Variants in NTM observed in about 807,000 individuals in gnomAD.
The protein encoded by NTM is neurotrimin.
NTM carries 13 observed loss-of-function variants against 42.1 expected under a neutral mutation model. That is an observed-to-expected ratio of 0.31 (90% CI 0.20 to 0.49). The LOEUF (loss-of-function observed/expected upper bound fraction) is 0.49, where lower values mean the gene tolerates loss of function less well. Among genes scored for constraint, NTM ranks in the 20% least tolerant of loss-of-function variants. NTM has a pLI of 0.99. For missense variants in NTM, 373 were observed against 452.8 expected, an observed-to-expected ratio of 0.82 and a Z score of 1.60; for synonymous variants, 187 against 179.2, an observed-to-expected ratio of 1.04 and a Z score of -0.35.
intron 6 of NTM, among the ~76,000 whole-genome samples, chr11:132,311,252 C>T (rs926571697): frequency 2.6e-5 from 4 of 152,046 alleles, no homozygotes; most frequent in African/African-American, 4.8e-5. Flanking sequence ...GTCTCTAGAT[C>T]GAAAATTGAA....
chr11:132,186,323 A>G (rs866353177), intron 3 of NTM, among the ~76,000 whole-genome samples: 5 of 152,322 alleles, frequency 3.3e-5, no homozygotes, highest in African/African-American at 9.6e-5. Flanking sequence ...ACAGCCACCA[A>G]GGGAAGCAGG....
At chr11:132,306,241 AATCATCCCTTACATACCGCACAC>A (rs1288161890) in intron 4 of NTM, 11 of 152,328 alleles carry the variant, frequency 7.2e-5, no homozygotes, top group African/African-American at 2.6e-4. Flanking sequence ...GAACACATAC[AATCATCCCTTACATACCGCACAC>A]ATCATCCCTT....
At position 131,735,835 on chromosome 11, in the gene NTM, G is replaced by GGGGTGT. The variant is rs1491265028; in HGVS notation, c.83-175728_83-175727insGGTGTG. Reference sequence around the variant, plus strand: ...CCGTTCCTTAGATTTCCATTCATAAGGTGTGTGTGTGTGTGTGTGTGTGTG... The same window carrying GGGGTGT: ...CCGTTCCTTAGATTTCCATTCATAAGGGGTGTGTGTGTGTGTGTGTGTGTGTGTGTG... On this transcript the variant is annotated intron_variant, in intron 1 of 8. Coordinates refer to ENST00000683400, the MANE Select transcript of NTM (RefSeq NM_001352005.2). Among the ~76,000 whole-genome samples, 977 of 121,370 alleles carry GGGGTGT rather than the reference G, an allele frequency of 8.0e-3. 9 individuals are homozygous for GGGGTGT. The highest frequency in any genetic ancestry group is 0.017 in the African/African-American group (621 of 37,502). 79.6% of individuals were successfully genotyped at this position (121,370 alleles called of 152,430 possible).
intron 1 of NTM, among the ~76,000 whole-genome samples, chr11:131,816,885 A>C (rs1444042863): frequency 6.6e-6 from 1 of 152,156 alleles, no homozygotes; most frequent in African/African-American, 2.4e-5. Context: ...TAATTAAATA[A>C]ATGTTAAATT....
intron 3 of NTM, among the ~76,000 whole-genome samples, chr11:132,202,039 C>G (rs1052590982): frequency 6.6e-6 from 1 of 152,132 alleles, no homozygotes; most frequent in Non-Finnish European, 1.5e-5. Context: ...CTCTTCCTCA[C>G]GAAATTATGT....
chr11:132,247,786 CT>C (rs1395664939), intron 4 of NTM, among the ~76,000 whole-genome samples: 1 of 152,156 alleles, frequency 6.6e-6, no homozygotes, highest in Non-Finnish European at 1.5e-5. Flanking sequence ...TTTTCTCTGT[CT>C]CTTTCTCTAT....
chr11:131,467,766 G>A (rs940607104), intron 1 of NTM, among the ~76,000 whole-genome samples: 1 of 152,228 alleles, frequency 6.6e-6, no homozygotes, highest in Non-Finnish European at 1.5e-5. Context: ...TTTTGGTGGA[G>A]TGTGTGCTGT....
At chr11:131,545,152 T>C (rs1270207577) in intron 1 of NTM, among the ~76,000 whole-genome samples, 1 of 152,180 alleles carries the variant, frequency 6.6e-6, no homozygotes, top group African/African-American at 2.4e-5. Flanking sequence ...ATGAAAAGAA[T>C]GTAAATAAAC....
At chr11:132,332,229 C>G (rs1028793383) in intron 8 of NTM, 1 of 152,310 alleles carries the variant, frequency 6.6e-6, no homozygotes, top group Non-Finnish European at 1.5e-5. Flanking sequence ...CTCGGGGCTA[C>G]CCCTGTTTCC....
intron 2 of NTM, among the ~76,000 whole-genome samples, chr11:131,933,166 C>T (rs369270753): frequency 5.9e-5 from 9 of 152,208 alleles, no homozygotes; most frequent in South Asian, 2.1e-4. Context: ...CTGGCAGTGA[C>T]GCTGTTTCTC....
At chr11:132,316,711 T>C (rs1406189080) in intron 7 of NTM, among the ~76,000 whole-genome samples, 6 of 152,168 alleles carry the variant, frequency 3.9e-5, no homozygotes, top group South Asian at 2.1e-4. Context: ...CAATGCTGCC[T>C]GGGTAACATA....
intron 4 of NTM, among the ~76,000 whole-genome samples, chr11:132,245,691 C>T (rs771891472): frequency 2.6e-5 from 4 of 152,098 alleles, no homozygotes; most frequent in Non-Finnish European, 4.4e-5. Flanking sequence ...CCACTGCCAG[C>T]TGGCCTGCAG....
At chr11:132,138,852 C>T (rs2068514601) in intron 2 of NTM, among the ~76,000 whole-genome samples, 1 of 152,108 alleles carries the variant, frequency 6.6e-6, no homozygotes, top group East Asian at 1.9e-4. Context: ...TTTATGAAGC[C>T]TGCTGATCAT....
At chr11:132,058,440 A>G (rs2080075173) in intron 2 of NTM, among the ~76,000 whole-genome samples, 1 of 152,122 alleles carries the variant, frequency 6.6e-6, no homozygotes, top group African/African-American at 2.4e-5. Context: ...CATGCACTCC[A>G]TGTCTTTCTG....
chr11:131,583,305 C>T (rs1015270581), intron 1 of NTM, among the ~76,000 whole-genome samples: 1 of 152,190 alleles, frequency 6.6e-6, no homozygotes, highest in African/African-American at 2.4e-5. Flanking sequence ...CTTCCCCATC[C>T]ACCTCCCCAA....
intron 1 of NTM, among the ~76,000 whole-genome samples, chr11:131,581,677 A>T (rs1332901640): frequency 6.6e-6 from 1 of 152,166 alleles, no homozygotes; most frequent in Non-Finnish European, 1.5e-5. Context: ...TGGTTTGATT[A>T]CTGAACACTT....
At chr11:132,211,725 T>G in intron 3 of NTM, 1 of 248,024 alleles carries the variant, frequency 4.0e-6, no homozygotes, top group South Asian at 5.1e-5. Flanking sequence ...GTGTTGGAGG[T>G]GGGTGGGGGT....
chr11:131,810,545 G>T (rs2092694126), intron 1 of NTM, among the ~76,000 whole-genome samples: 1 of 152,104 alleles, frequency 6.6e-6, no homozygotes, highest in Admixed American at 6.5e-5. Flanking sequence ...CGGCAGGTGG[G>T]CAGGTACCAT....
At chr11:132,074,426 G>A (rs1366216409) in intron 2 of NTM, among the ~76,000 whole-genome samples, 3 of 152,108 alleles carry the variant, frequency 2.0e-5, no homozygotes, top group Non-Finnish European at 4.4e-5. Flanking sequence ...TAATTTTAGA[G>A]AAGATATTTC....
Sources: allele counts gnomAD v4.1 joint callset (sites outside exome capture counted in the v4.1 genomes callset), GRCh38; gene constraint gnomAD v4.1.1; transcripts MANE v1.5; gene names NCBI Gene and HGNC (gene_info 2026-07-23, HGNC 2026-07-21).